The following MAGI1 variants were observed in gnomAD, a reference collection of about 807,000 sequenced individuals.
MAGI1 encodes the protein membrane-associated guanylate kinase, WW and PDZ domain-containing protein 1.
A neutral mutation model predicts 139.9 loss-of-function variants in MAGI1; 58 were observed. The ratio of observed to expected loss-of-function variants is 0.41; its 90% confidence interval spans 0.34 to 0.52. The LOEUF (loss-of-function observed/expected upper bound fraction) is 0.52. Among genes scored for constraint, MAGI1 ranks in the 20% least tolerant of loss-of-function variants. MAGI1 has a pLI of 0.12. For synonymous variants in MAGI1, 812 were observed against 737.9 expected, an observed-to-expected ratio of 1.10 and a Z score of -1.63; for missense variants, 1,874 against 1,901.6, an observed-to-expected ratio of 0.99 and a Z score of 0.27.
At chr3:65,431,102 G>A (rs1333851566) in intron 10 of MAGI1, among the ~76,000 whole-genome samples, 1 of 152,120 alleles carries the variant, frequency 6.6e-6, no homozygotes, top group African/African-American at 2.4e-5. Flanking sequence ...CAACTCCAGG[G>A]TCCAAAAGAA....
chr3:65,737,153 G>A (rs997928040), intron 1 of MAGI1, among the ~76,000 whole-genome samples: 7 of 152,036 alleles, frequency 4.6e-5, no homozygotes, highest in Admixed American at 6.5e-5. Context: ...TACAGGCACC[G>A]CCACCACGCC....
intron 1 of MAGI1, among the ~76,000 whole-genome samples, chr3:65,707,125 C>A (rs551431051): frequency 6.6e-6 from 1 of 152,286 alleles, no homozygotes; most frequent in South Asian, 2.1e-4. Flanking sequence ...GTTGTATAAA[C>A]TTCTATTCCC....
intron 3 of MAGI1, among the ~76,000 whole-genome samples, chr3:65,485,682 C>T (rs1236070065): frequency 1.3e-5 from 2 of 152,142 alleles, no homozygotes; most frequent in African/African-American, 4.8e-5. Context: ...TTACCTTTAT[C>T]GTGCACATAT....
At chr3:65,700,880 T>G (rs1441960210) in intron 1 of MAGI1, among the ~76,000 whole-genome samples, 1 of 152,200 alleles carries the variant, frequency 6.6e-6, no homozygotes, top group Admixed American at 6.5e-5. Context: ...ATGTGAGTAC[T>G]TCTAAGAGGA....
intron 1 of MAGI1, among the ~76,000 whole-genome samples, chr3:65,925,681 T>C (rs976526452): frequency 2.8e-5 from 2 of 72,334 alleles, no homozygotes; most frequent in African/African-American, 1.0e-4. Context: ...CCATCCTTAA[T>C]GGACTAACTT....
intron 2 of MAGI1, among the ~76,000 whole-genome samples, chr3:65,519,887 T>A (rs2078075215): frequency 6.6e-6 from 1 of 152,324 alleles, no homozygotes; most frequent in East Asian, 1.9e-4. Context: ...CTTGCTTGAT[T>A]GAAGGAATAA....
intron 2 of MAGI1, among the ~76,000 whole-genome samples, chr3:65,507,448 G>T (rs961057000): frequency 2.0e-5 from 3 of 152,184 alleles, no homozygotes; most frequent in African/African-American, 7.2e-5. Flanking sequence ...CAACACATGT[G>T]TTAGCCTGGT....
chr3:65,528,424 T>G (rs955361140), intron 2 of MAGI1, among the ~76,000 whole-genome samples: 1 of 152,194 alleles, frequency 6.6e-6, no homozygotes, highest in African/African-American at 2.4e-5. Context: ...GGACAGGGAC[T>G]AGGGCCTAAA....
chr3:65,658,374 G>T (rs2086005049), intron 1 of MAGI1, among the ~76,000 whole-genome samples: 1 of 152,132 alleles, frequency 6.6e-6, no homozygotes, highest in South Asian at 2.1e-4. Flanking sequence ...AAATGATCTG[G>T]TAAAATGTTG....
At chr3:65,518,371 C>T (rs1008889161) in intron 2 of MAGI1, among the ~76,000 whole-genome samples, 1 of 152,020 alleles carries the variant, frequency 6.6e-6, no homozygotes, top group African/African-American at 2.4e-5. Context: ...TGTGTCTGTC[C>T]CACTACATCT....
chr3:65,801,143 G>C (rs1401998874), intron 1 of MAGI1, among the ~76,000 whole-genome samples: 2 of 152,126 alleles, frequency 1.3e-5, no homozygotes, highest in African/African-American at 4.8e-5. Flanking sequence ...GGGCAACACA[G>C]ATCTAATGTT....
intron 1 of MAGI1, chr3:65,687,709 C>G (rs2088182452): frequency 2.8e-5 from 15 of 528,338 alleles, no homozygotes; most frequent in Admixed American, 2.0e-5. Flanking sequence ...TGTTGCTGCC[C>G]TGGGAAACAA....
At chr3:65,363,352 T>C in intron 21 of MAGI1, 113 bp downstream of exon 21, 4 of 1,284,598 alleles carry the variant, frequency 3.1e-6, no homozygotes, top group Middle Eastern at 2.0e-4. Flanking sequence ...AAGAGAATCA[T>C]GAAAGCTATA....
At chr3:65,456,052 T>C (rs1025978783) in intron 5 of MAGI1, among the ~76,000 whole-genome samples, 5 of 152,236 alleles carry the variant, frequency 3.3e-5, no homozygotes, top group South Asian at 2.1e-4. Flanking sequence ...ACGTGTGTCG[T>C]TGCCAAATGG....
At chr3:65,723,613 G>A (rs983439135) in intron 1 of MAGI1, among the ~76,000 whole-genome samples, 1 of 152,170 alleles carries the variant, frequency 6.6e-6, no homozygotes, top group African/African-American at 2.4e-5. Context: ...TGTTATATGT[G>A]TAACATATCT....
intron 1 of MAGI1, among the ~76,000 whole-genome samples, chr3:65,724,568 C>T (rs969259723): frequency 2.6e-5 from 4 of 152,038 alleles, no homozygotes; most frequent in African/African-American, 4.8e-5. Context: ...GGATAATGCC[C>T]GACACATACT....
At chr3:65,834,919 G>A (rs1014914690) in intron 1 of MAGI1, among the ~76,000 whole-genome samples, 2 of 152,156 alleles carry the variant, frequency 1.3e-5, no homozygotes, top group African/African-American at 4.8e-5. Flanking sequence ...CTTTTGATTG[G>A]TGTTTGCATT....
chr3:65,569,820 A>C (rs1259233065), intron 2 of MAGI1, among the ~76,000 whole-genome samples: 1 of 151,914 alleles, frequency 6.6e-6, no homozygotes, highest in African/African-American at 2.4e-5. Context: ...GGCTGCAGTG[A>C]GCCATGATTG....
intron 1 of MAGI1, among the ~76,000 whole-genome samples, chr3:65,721,585 C>T (rs2033030136): frequency 6.6e-6 from 1 of 152,186 alleles, no homozygotes; most frequent in Non-Finnish European, 1.5e-5. Context: ...GCACTGACTC[C>T]TTCCTGCCTT....
Sources: gnomAD v4.1 joint callset for allele counts (sites outside exome capture counted in the v4.1 genomes callset) on GRCh38, gnomAD v4.1.1 for gene constraint, MANE v1.5 for transcripts, NCBI Gene and HGNC (gene_info 2026-07-23, HGNC 2026-07-21) for gene names.